The following PTPRD variants were observed in gnomAD, a reference collection of about 807,000 sequenced individuals.
PTPRD encodes protein tyrosine phosphatase receptor type D, also known as receptor-type tyrosine-protein phosphatase delta.
Under a neutral mutation model 214.5 loss-of-function variants are expected in PTPRD, and 34 were observed. The observed-to-expected ratio is 0.16, with a 90% CI of 0.12 to 0.21. The LOEUF is 0.21. Among genes scored for constraint, PTPRD ranks in the 10% least tolerant of loss-of-function variants. The probability of loss-of-function intolerance (pLI) is 1.00; values close to 1 mark genes in which losing one functional copy is unlikely to be tolerated. For missense variants in PTPRD, 2,545 were observed against 2,398.7 expected (o/e 1.06, Z -1.27); for synonymous variants, 1,128 against 845.7 (o/e 1.33, Z -5.79).
At chr9:10,483,973 A>G (rs2099116577) in intron 2 of PTPRD, among the ~76,000 whole-genome samples, 1 of 152,152 alleles carries the variant, frequency 6.6e-6, no homozygotes, top group Non-Finnish European at 1.5e-5. Context: ...ACATTCAAAC[A>G]TGTATATCGC....
intron 5 of PTPRD, among the ~76,000 whole-genome samples, chr9:9,903,074 A>G (rs1461075493): frequency 6.6e-6 from 1 of 152,134 alleles, no homozygotes; most frequent in Non-Finnish European, 1.5e-5. Context: ...TATTTGAGCT[A>G]AAGACATATA....
chr9:10,382,601 T>C (rs113459288), intron 2 of PTPRD, among the ~76,000 whole-genome samples: 146 of 152,026 alleles, frequency 9.6e-4, no homozygotes, highest in African/African-American at 3.1e-3. Context: ...CCATATGACA[T>C]ATATTGAACA....
intron 10 of PTPRD, among the ~76,000 whole-genome samples, chr9:9,126,031 C>T (rs2099832032): frequency 6.6e-6 from 1 of 152,144 alleles, no homozygotes; most frequent in South Asian, 2.1e-4. Flanking sequence ...ATGCCTACAG[C>T]ATTGCCAACC....
intron 39 of PTPRD, among the ~76,000 whole-genome samples, chr9:8,353,932 G>GTATATATA (rs2076290744): frequency 4.1e-5 from 4 of 97,662 alleles, no homozygotes; most frequent in Admixed American, 1.2e-4. Context: ...ATATATGTGT[G>GTATATATA]TGTACATATA....
At chr9:8,771,693 A>G (rs1382386136) in intron 11 of PTPRD, among the ~76,000 whole-genome samples, 1 of 152,200 alleles carries the variant, frequency 6.6e-6, no homozygotes, top group Non-Finnish European at 1.5e-5. Context: ...CGAATACTTA[A>G]AGGATAATTA....
chr9:8,526,136 G>T (rs1436774646), intron 17 of PTPRD, among the ~76,000 whole-genome samples: 1 of 151,812 alleles, frequency 6.6e-6, no homozygotes, highest in Non-Finnish European at 1.5e-5. Flanking sequence ...AAAAGCAGAT[G>T]CTCCAGGGTG....
chr9:9,774,884 A>C lies in PTPRD; in HGVS notation c.-367-8033T>G, dbSNP rs72710110. Among the ~76,000 whole-genome samples, 312 of 152,282 alleles carry C rather than the reference A, an allele frequency of 2.0e-3. 1 individual carries two copies. The highest frequency in any genetic ancestry group is 3.4e-3 in the Non-Finnish European group (229 of 68,026). Reference sequence around the variant, plus strand: ...GTTTTATGCATGATAGTACCTCATAAATGCCTGATCTTCAAAACAATCATA... The same window carrying C: ...GTTTTATGCATGATAGTACCTCATACATGCCTGATCTTCAAAACAATCATA... On this transcript the variant is annotated intron_variant, in intron 5 of 45. Transcript: ENST00000381196.
intron 32 of PTPRD, among the ~76,000 whole-genome samples, chr9:8,461,606 AT>A (rs112467189): frequency 0.015 from 2,021 of 139,164 alleles, 33 homozygotes; most frequent in African/African-American, 0.036. Flanking sequence ...CATTGGTCCT[AT>A]TTTTTTTTTT....
intron 3 of PTPRD, among the ~76,000 whole-genome samples, chr9:10,170,720 T>C (rs2099197734): frequency 6.6e-6 from 1 of 152,150 alleles, no homozygotes; most frequent in Non-Finnish European, 1.5e-5. Flanking sequence ...TTCTAAACAA[T>C]ACAGTTAGTC....
chr9:9,090,410 A>C (rs2099773871), intron 10 of PTPRD, among the ~76,000 whole-genome samples: 1 of 152,136 alleles, frequency 6.6e-6, no homozygotes, highest in African/African-American at 2.4e-5. Flanking sequence ...TGATGGTTGA[A>C]GATTATTGAA....
At chr9:10,415,570 C>T (rs920776370) in intron 2 of PTPRD, among the ~76,000 whole-genome samples, 17 of 151,820 alleles carry the variant, frequency 1.1e-4, no homozygotes, top group Non-Finnish European at 2.2e-4. Flanking sequence ...TCTTGCTGTC[C>T]TTAAAGATAA....
chr9:8,478,787 A>C (rs1036212893), intron 30 of PTPRD, among the ~76,000 whole-genome samples: 2 of 152,246 alleles, frequency 1.3e-5, no homozygotes, highest in African/African-American at 2.4e-5. Flanking sequence ...AAAATACAAC[A>C]ACCAAGTATG....
At chr9:9,016,504 C>T (rs1384124377) in intron 11 of PTPRD, among the ~76,000 whole-genome samples, 2 of 152,026 alleles carry the variant, frequency 1.3e-5, no homozygotes, top group African/African-American at 4.8e-5. Context: ...ACAAACCAGC[C>T]TAGTACTGGT....
chr9:8,937,194 C>T (rs572281829), intron 11 of PTPRD, among the ~76,000 whole-genome samples: 7 of 152,122 alleles, frequency 4.6e-5, no homozygotes, highest in African/African-American at 9.6e-5. Flanking sequence ...GAGACAGTCA[C>T]GGTGACATTA....
intron 11 of PTPRD, among the ~76,000 whole-genome samples, chr9:8,815,612 A>C (rs2096904264): frequency 6.6e-6 from 1 of 152,214 alleles, no homozygotes; most frequent in Non-Finnish European, 1.5e-5. Flanking sequence ...AAAAGTTAGA[A>C]AGTGTTGCAA....
At chr9:8,992,390 G>T (rs1241794531) in intron 11 of PTPRD, among the ~76,000 whole-genome samples, 1 of 152,076 alleles carries the variant, frequency 6.6e-6, no homozygotes, top group Non-Finnish European at 1.5e-5. Context: ...CTGGTGTGCA[G>T]ACTGGAGGCA....
chr9:8,946,125 G>A (rs2099062622), intron 11 of PTPRD, among the ~76,000 whole-genome samples: 1 of 152,060 alleles, frequency 6.6e-6, no homozygotes, highest in Non-Finnish European at 1.5e-5. Context: ...AATATAAAAT[G>A]GTAACCAAGA....
At chr9:9,206,880 T>C (rs2099945191) in intron 9 of PTPRD, among the ~76,000 whole-genome samples, 1 of 152,174 alleles carries the variant, frequency 6.6e-6, no homozygotes, top group South Asian at 2.1e-4. Context: ...GGACTTCACC[T>C]TGTGATTGTG....
chr9:9,857,907 A>C (rs1483121523), intron 5 of PTPRD, among the ~76,000 whole-genome samples: 1 of 148,316 alleles, frequency 6.7e-6, no homozygotes, highest in Non-Finnish European at 1.5e-5. Context: ...TTAATACTCT[A>C]CTTTTTTCAT....
Sources: gnomAD v4.1 joint callset for allele counts (sites outside exome capture counted in the v4.1 genomes callset) on GRCh38, gnomAD v4.1.1 for gene constraint, MANE v1.5 for transcripts, NCBI Gene and HGNC (gene_info 2026-07-23, HGNC 2026-07-21) for gene names.